Variants in TOX2 observed in about 807,000 individuals in gnomAD.
TOX2 encodes granulosa cell HMG box 1.
In TOX2, 15 loss-of-function variants were observed where a neutral mutation model predicts 47.4. That is an observed-to-expected ratio of 0.32 (90% CI 0.21 to 0.49). The LOEUF (loss-of-function observed/expected upper bound fraction) is 0.49, where lower values mean the gene tolerates loss of function less well. TOX2 is among the 20% of genes least tolerant of loss of function. The pLI, the probability that TOX2 is intolerant of heterozygous loss-of-function variation, is 0.99. For missense variants in TOX2, 622 were observed against 673.1 expected, an observed-to-expected ratio of 0.92 and a Z score of 0.84; for synonymous variants, 290 against 296.6, an observed-to-expected ratio of 0.98 and a Z score of 0.23.
At chr20:43,952,102 C>T (rs942967115) in intron 1 of TOX2, among the ~76,000 whole-genome samples, 21 of 151,882 alleles carry the variant, frequency 1.4e-4, no homozygotes, top group East Asian at 7.7e-4. Flanking sequence ...GGGGTTTCAC[C>T]ATGTTAGCCA....
At chr20:43,954,223 C>A (rs187916099) in intron 1 of TOX2, among the ~76,000 whole-genome samples, 1 of 152,252 alleles carries the variant, frequency 6.6e-6, no homozygotes, top group African/African-American at 2.4e-5. Context: ...AGGGACTTTG[C>A]ATTGCTGCTC....
At chr20:44,037,168 G>C (rs1185607969) in intron 3 of TOX2, among the ~76,000 whole-genome samples, 1 of 152,174 alleles carries the variant, frequency 6.6e-6, no homozygotes, top group Non-Finnish European at 1.5e-5. Flanking sequence ...TGGTCAGGCT[G>C]GTCTTGAACT....
At chr20:44,001,992 C>T (rs1386419055) in intron 2 of TOX2, among the ~76,000 whole-genome samples, 2 of 152,198 alleles carry the variant, frequency 1.3e-5, no homozygotes, top group Non-Finnish European at 2.9e-5. Context: ...GTGTTCCTAA[C>T]TCACACAGCA....
At chr20:44,041,584 C>A (rs763402162) in intron 3 of TOX2, among the ~76,000 whole-genome samples, 1 of 152,108 alleles carries the variant, frequency 6.6e-6, no homozygotes, top group Non-Finnish European at 1.5e-5. Flanking sequence ...CCCTGAAGTG[C>A]GGTTGGGGAA....
Position 43,927,957 on chromosome 20 carries a change from G to T in TOX2, c.99+12967G>T, listed in dbSNP as rs188655057. On this transcript the variant is annotated intron_variant, in intron 1 of 8. Transcript: ENST00000341197. The stretch of plus-strand genomic sequence containing the variant: ...GAAATAAACAATTTCAAATGTGTGT[G>T]GTAAGCATTATGTTGAAGTAGCACA... 1.8e-3 allele frequency among the ~76,000 whole-genome samples: 281 copies of T among 152,218 alleles called. 1 individual carries two copies. The highest frequency in any genetic ancestry group is 6.6e-3 in the African/African-American group (275 of 41,526).
chr20:43,957,788 G>A (rs1454468716), intron 1 of TOX2, among the ~76,000 whole-genome samples: 2 of 152,066 alleles, frequency 1.3e-5, no homozygotes, highest in Admixed American at 6.6e-5. Context: ...TGCTTCTGGG[G>A]AGGTCTCAGA....
In TOX2 at chr20:44,066,714, C is replaced by A; in HGVS notation, c.1357-16C>A. 3 of 1,614,124 alleles carry A rather than the reference C, an allele frequency of 1.9e-6. No homozygotes were observed. Among genetic ancestry groups the A allele is most frequent in the Non-Finnish European group, 2.5e-6 (3 of 1,180,012 alleles). On this transcript the variant is annotated splice_polypyrimidine_tract_variant and intron_variant, in intron 7 of 8. Coordinates refer to ENST00000341197, the MANE Select transcript of TOX2 (RefSeq NM_001098797.2). Reference sequence around the variant, plus strand: ...ATCTCTCCTTGGCTCATGGCCTCCTCCTTCCCACTCTGTAGGACTTCCCGC... The same window carrying A: ...ATCTCTCCTTGGCTCATGGCCTCCTACTTCCCACTCTGTAGGACTTCCCGC...
intron 2 of TOX2, 86 bp from the exon 3 acceptor site, chr20:44,006,461 T>C (rs2070680535): frequency 6.6e-7 from 1 of 1,522,524 alleles, no homozygotes; most frequent in Non-Finnish European, 8.8e-7. Context: ...GCTATCGTTA[T>C]TATTGTTGCT....
intron 3 of TOX2, among the ~76,000 whole-genome samples, chr20:44,010,240 A>T (rs2070757153): frequency 6.6e-6 from 1 of 152,216 alleles, no homozygotes; most frequent in Non-Finnish European, 1.5e-5. Flanking sequence ...ATTACAAAGC[A>T]TGTTATCTTT....
At chr20:43,931,059 C>A (rs185320461) in intron 1 of TOX2, among the ~76,000 whole-genome samples, 1 of 152,220 alleles carries the variant, frequency 6.6e-6, no homozygotes, top group East Asian at 1.9e-4. Context: ...ATGGGTGGAG[C>A]CTTCAGAGCG....
chr20:43,938,495 G>A (rs2069358332), intron 1 of TOX2, among the ~76,000 whole-genome samples: 1 of 152,178 alleles, frequency 6.6e-6, no homozygotes, highest in Non-Finnish European at 1.5e-5. Context: ...GTCCTGATGG[G>A]TGCACTAGGA....
At chr20:44,042,337 A>T (rs1403244420) in intron 3 of TOX2, among the ~76,000 whole-genome samples, 1 of 152,240 alleles carries the variant, frequency 6.6e-6, no homozygotes, top group African/African-American at 2.4e-5. Context: ...ACAATTCAAG[A>T]TGAGATTTGA....
At chr20:44,052,949 G>T (rs1419729594) in intron 4 of TOX2, among the ~76,000 whole-genome samples, 2 of 152,194 alleles carry the variant, frequency 1.3e-5, no homozygotes, top group African/African-American at 4.8e-5. Flanking sequence ...TTGGAGAAGG[G>T]AGTAGCTGCA....
intron 3 of TOX2, among the ~76,000 whole-genome samples, chr20:44,028,611 C>T (rs987123239): frequency 5.0e-5 from 7 of 141,128 alleles, no homozygotes; most frequent in Non-Finnish European, 9.3e-5. Flanking sequence ...ATCCCTGATT[C>T]CTGGAGCTTA....
chr20:44,000,427 C>T (rs1387658211), intron 2 of TOX2, among the ~76,000 whole-genome samples: 4 of 152,106 alleles, frequency 2.6e-5, no homozygotes, highest in Non-Finnish European at 4.4e-5. Context: ...CTGGCCTGAG[C>T]AACCAGAAGG....
intron 8 of TOX2, 55 bp from the exon 9 acceptor site, chr20:44,068,595 C>T: frequency 1.3e-6 from 2 of 1,577,916 alleles, no homozygotes; most frequent in East Asian, 2.3e-5. Flanking sequence ...TCCTGGTGCT[C>T]CCCTGGCCCG....
At chr20:43,968,950 G>C (rs533706832) in intron 1 of TOX2, among the ~76,000 whole-genome samples, 8 of 152,336 alleles carry the variant, frequency 5.3e-5, no homozygotes, top group African/African-American at 1.9e-4. Context: ...AATATGCATA[G>C]AATTGAAGTT....
chr20:43,983,974 A>T (rs1479516429), intron 2 of TOX2, among the ~76,000 whole-genome samples: 1 of 152,218 alleles, frequency 6.6e-6, no homozygotes, highest in East Asian at 1.9e-4. Flanking sequence ...TGTCTTAGTA[A>T]TTCTGGCCTC....
intron 4 of TOX2, among the ~76,000 whole-genome samples, chr20:44,051,941 G>A (rs1005752230): frequency 7.9e-5 from 12 of 152,214 alleles, no homozygotes; most frequent in Non-Finnish European, 1.6e-4. Context: ...TCCAACAAAT[G>A]TTGAGGGGAT....
Sources: allele counts gnomAD v4.1 joint callset (sites outside exome capture counted in the v4.1 genomes callset), GRCh38; gene constraint gnomAD v4.1.1; transcripts MANE v1.5; gene names NCBI Gene and HGNC (gene_info 2026-07-23, HGNC 2026-07-21).